BEGAIN: variants seen among roughly 807,000 people sequenced by gnomAD.
BEGAIN encodes brain-enriched guanylate kinase-associated protein.
In BEGAIN, 19 loss-of-function variants were observed where a neutral mutation model predicts 35.8. The observed-to-expected ratio is 0.53, with a 90% CI of 0.37 to 0.78. BEGAIN has a LOEUF of 0.78. Ranked by LOEUF, BEGAIN falls within the 30% of genes least tolerant of loss-of-function variation. The probability of loss-of-function intolerance (pLI) is 0.00; values close to 1 mark genes in which losing one functional copy is unlikely to be tolerated. For synonymous variants in BEGAIN, 462 were observed against 388.6 expected (o/e 1.19, Z -2.22); for missense variants, 795 against 853.6 (o/e 0.93, Z 0.85).
chr14:100,564,204 G>A (rs1248561820), intron 2 of BEGAIN, among the ~76,000 whole-genome samples: 2 of 152,038 alleles, frequency 1.3e-5, no homozygotes, highest in Non-Finnish European at 2.9e-5. Flanking sequence ...GGTGGTGGTC[G>A]CCAGGTGGTC....
chr14:100,556,253 C>T (rs976737754), intron 2 of BEGAIN, among the ~76,000 whole-genome samples: 3 of 152,198 alleles, frequency 2.0e-5, no homozygotes, highest in African/African-American at 7.2e-5. Flanking sequence ...CGCGCCACTG[C>T]TCCCTCCTGC....
At chr14:100,577,393 T>C (rs965602276) in intron 1 of BEGAIN, 6 of 399,086 alleles carry the variant, frequency 1.5e-5, no homozygotes, top group Admixed American at 8.8e-5. Context: ...TCCCACGGCC[T>C]GGCCTGGCCC....
Position 100,580,934 on chromosome 14 carries a change from G to A in BEGAIN, c.42+6315C>T, listed in dbSNP as rs147733967. Among the ~76,000 whole-genome samples, 136 of 152,278 alleles carry A rather than the reference G, an allele frequency of 8.9e-4. No individual in the cohort carries two copies. The Middle Eastern group carries it at 0.017, about 19-fold the overall frequency. ...GGGGAGGGATCTCAGGCTCTCGGGA[G>A]GCCACAGTGTCCTCCTCCCACCCTA... On this transcript the variant is annotated intron_variant, in intron 1 of 6. Transcript: ENST00000554140.
At position 100,538,799 on chromosome 14, in the gene BEGAIN, G is replaced by T; in HGVS notation, c.1009C>A (p.Leu337Met). ...TAGATGGCCTGCTGCGACGCGGTCA[G>T]CGTGCTGGCCTGCGCGTGCTCCTTC... ...EEKEHAQAST[L>M]TASQQAIYLN... The change falls in exon 7 of 7, where the codon CTG (leucine) becomes ATG (methionine). Residue 337 changes from leucine to methionine, a missense_variant. Transcript: ENST00000554140. 6.2e-7 allele frequency: 1 copy of T among 1,600,014 alleles called. No individual in the cohort carries two copies. Among genetic ancestry groups the T allele is most frequent in the African/African-American group, 1.3e-5 (1 of 74,924 alleles).
At chr14:100,547,653 G>A (rs10149564) in intron 2 of BEGAIN, 2,404 of 152,386 alleles carry the variant, frequency 0.016, 81 homozygotes, top group African/African-American at 0.055. Flanking sequence ...CACAGCCCAG[G>A]GGCTATCTGG....
rs2034807802 is a variant in BEGAIN at position 100,567,572 on chromosome 14, C to T, written c.71+339G>A. Reference sequence around the variant, plus strand: ...GCACGAACGGAACCCGGAGGGTCCCCGGGGACCAGCGAGAGTCCAGGGCAG... The same window carrying T: ...GCACGAACGGAACCCGGAGGGTCCCTGGGGACCAGCGAGAGTCCAGGGCAG... On this transcript the variant is annotated intron_variant, in intron 2 of 6. Transcript: ENST00000554140. The surrounding 1 kb of genome is among the most constrained non-coding windows in gnomAD (Gnocchi z 5.1). Among the ~76,000 whole-genome samples, 1 of 152,006 alleles carries T rather than the reference C, an allele frequency of 6.6e-6. No homozygotes were observed. Among genetic ancestry groups the T allele is most frequent in the South Asian group, 2.1e-4 (1 of 4,808 alleles).
In BEGAIN at chr14:100,558,453, C is replaced by T. The variant is rs535768701; in HGVS notation, c.71+9458G>A. ...CTGGCCTCCTGGCACCAGCGTGTCC[C>T]GGGGATCTGGCCTCCGGCATCTCCT... On this transcript the variant is annotated intron_variant, in intron 2 of 6. Transcript: ENST00000554140. This position sits in a 1 kb window ranked among gnomAD's most constrained non-coding sequence, Gnocchi z 4.6. Among the ~76,000 whole-genome samples the T allele has an allele frequency of 2.6e-5, 4 of 152,282 alleles. No individual in the cohort carries two copies. The highest frequency in any genetic ancestry group is 4.1e-4 in the South Asian group (2 of 4,822).
At position 100,540,520 on chromosome 14, in the gene BEGAIN, G is replaced by A. The variant is rs1174310849; in HGVS notation, c.468C>T (p.Tyr156=). 3.1e-6 allele frequency: 5 copies of A among 1,605,138 alleles called. No homozygotes were observed. Among genetic ancestry groups the A allele is most frequent in the East Asian group, 2.2e-5 (1 of 44,654 alleles). Residue 156 remains tyrosine (Y), a synonymous_variant, in exon 6 of 7, where the codon TAC becomes TAT. Transcript: ENST00000554140. ...AAQLLQCSQT[Y]GRVHKVSELP... ...CCTCAGACACCTTGTGGACCCTGCC[G>A]TAGGTCTGGCTGCACTGCAGCAGCT...
chr14:100,542,835 G>A (rs1429015598), intron 5 of BEGAIN, among the ~76,000 whole-genome samples: 2 of 152,210 alleles, frequency 1.3e-5, no homozygotes, highest in Admixed American at 1.3e-4. Context: ...GCAGCCACGT[G>A]AGCCCTGGGA....
At chr14:100,546,710 G>T (rs1048934702) in intron 2 of BEGAIN, 48 bp from the exon 3 acceptor site, 1 of 1,513,570 alleles carries the variant, frequency 6.6e-7, no homozygotes, top group East Asian at 2.6e-5. Context: ...CTGAGCGGGG[G>T]AAACTAAGGC....
Position 100,567,816 on chromosome 14 carries a change from T to A in BEGAIN, c.71+95A>T. On this transcript the variant is annotated intron_variant, in intron 2 of 6. Coordinates refer to ENST00000554140, the MANE Select transcript of BEGAIN (RefSeq NM_001385089.1). This position sits in a 1 kb window ranked among gnomAD's most constrained non-coding sequence, Gnocchi z 5.1. ...GAGGCCGCCCGCGGGCCCTGGGGGA[T>A]GCGCTCGGGTGGAGCCCCCTTCCCC... The A allele has an allele frequency of 7.7e-7, 1 of 1,294,668 alleles. No individual in the cohort carries two copies. Among genetic ancestry groups the A allele is most frequent in the Admixed American group, 3.0e-5 (1 of 33,662 alleles). The allele number at this position is 1,294,668 out of a possible 1,614,324, so 80.2% of individuals were successfully genotyped here.
rs1223435734 is a variant in BEGAIN, at chr14:100,537,650, G to C, written c.*319C>G. On this transcript the variant is annotated 3_prime_UTR_variant, in exon 7 of 7. Transcript: ENST00000554140. ...CCGTCCAGGGAGCTGGAGGCCAAGT[G>C]CGTTAAGAAAGACCCTTTTTCTCTA... 3 of 322,244 alleles carry C rather than the reference G, an allele frequency of 9.3e-6. No homozygotes were observed. The Admixed American group carries it at 1.4e-4, about 15-fold the overall frequency. 20.0% of individuals were successfully genotyped at this position (322,244 alleles called of 1,614,324 possible).
intron 2 of BEGAIN, among the ~76,000 whole-genome samples, chr14:100,566,520 C>A (rs565753345): frequency 6.6e-6 from 1 of 152,194 alleles, no homozygotes; most frequent in Non-Finnish European, 1.5e-5. Flanking sequence ...TTCCTCCCCC[C>A]CACAGGCGGT....
intron 3 of BEGAIN, 157 bp from the exon 4 acceptor site, chr14:100,545,223 C>A: frequency 6.8e-7 from 1 of 1,465,824 alleles, no homozygotes; most frequent in South Asian, 1.4e-5. Flanking sequence ...CCTCTGCACA[C>A]AGCAGAGAAC....
In BEGAIN at chr14:100,563,117, G is replaced by A. The variant is rs562258881; in HGVS notation, c.71+4794C>T. ...ATCTGTCTCCATCCCTGGGACATCA[G>A]CCTGGCACTTCTGCAGAGTGTCTCA... is the stretch of plus-strand genomic sequence containing the variant. On this transcript the variant is annotated intron_variant, in intron 2 of 6. Coordinates refer to ENST00000554140, the MANE Select transcript of BEGAIN (RefSeq NM_001385089.1). The surrounding 1 kb of genome is among the most constrained non-coding windows in gnomAD (Gnocchi z 4.2). Among the ~76,000 whole-genome samples the A allele has an allele frequency of 6.6e-5, 10 of 152,360 alleles. No individual in the cohort carries two copies. The East Asian group carries it at 1.9e-3, about 29-fold the overall frequency.
chr14:100,565,361 C>T (rs2034600889), intron 2 of BEGAIN, among the ~76,000 whole-genome samples: 1 of 152,166 alleles, frequency 6.6e-6, no homozygotes, highest in Admixed American at 6.5e-5. Flanking sequence ...AGGGCGACAG[C>T]ATGGGGGGGC....
chr14:100,567,811 G>A lies in BEGAIN; in HGVS notation c.71+100C>T, dbSNP rs2034833390. ...CCGCCGAGGCCGCCCGCGGGCCCTG[G>A]GGGATGCGCTCGGGTGGAGCCCCCT... On this transcript the variant is annotated intron_variant, in intron 2 of 6. Coordinates refer to ENST00000554140, the MANE Select transcript of BEGAIN (RefSeq NM_001385089.1). This position sits in a 1 kb window ranked among gnomAD's most constrained non-coding sequence, Gnocchi z 5.1. 11 of 1,274,866 alleles carry A rather than the reference G, an allele frequency of 8.6e-6. No homozygotes were observed. The South Asian group carries it at 1.2e-4, about 14-fold the overall frequency. The allele number at this position is 1,274,866 out of a possible 1,614,324, so 79.0% of individuals were successfully genotyped here.
chr14:100,577,223 T>C (rs1355620456), intron 1 of BEGAIN: 1 of 398,044 alleles, frequency 2.5e-6, no homozygotes, highest in African/African-American at 2.1e-5. Context: ...ATAAATGGGG[T>C]GTGGGGAGGG....
chr14:100,538,680 CGCCACCGCGGCCGTGGCCTTG>C lies in BEGAIN; in HGVS notation c.1107_1127del (p.Lys370_Ala376del), dbSNP rs768042133. On this transcript the variant is annotated inframe_deletion, in exon 7 of 7. Transcript: ENST00000554140. ...GGGCCACTTCGGCCTCCAGCGGGGC[CGCCACCGCGGCCGTGGCCTTG>C]GCAAAGCGAGGGCTGCCCTCGTAGG... 2 of 1,552,318 alleles carry C rather than the reference CGCCACCGCGGCCGTGGCCTTG, an allele frequency of 1.3e-6. No individual in the cohort carries two copies. The highest frequency in any genetic ancestry group is 3.9e-5 in the Admixed American group (2 of 51,170).
Sources: gnomAD v4.1 joint callset for allele counts (sites outside exome capture counted in the v4.1 genomes callset) on GRCh38, gnomAD v4.1.1 for gene constraint, Gnocchi (gnomAD v3.1) non-coding constraint, MANE v1.5 for transcripts, NCBI Gene and HGNC (gene_info 2026-07-23, HGNC 2026-07-21) for gene names.